Variants in SORL1 observed in about 807,000 individuals in gnomAD.
The protein encoded by SORL1 is sortilin related receptor 1.
A neutral mutation model predicts 273.7 loss-of-function variants in SORL1; 127 were observed. The observed-to-expected ratio is 0.46, with a 90% CI of 0.40 to 0.54. The LOEUF (loss-of-function observed/expected upper bound fraction) is 0.54. SORL1 is among the 20% of genes least tolerant of loss of function. The probability of loss-of-function intolerance (pLI) is 0.00; values close to 1 mark genes in which losing one functional copy is unlikely to be tolerated. For missense variants in SORL1, 2,494 were observed against 2,846.1 expected (o/e 0.88, Z 2.81); for synonymous variants, 1,031 against 1,067.4 (o/e 0.97, Z 0.66).
At chr11:121,508,425 G>A (rs950036932) in intron 6 of SORL1, among the ~76,000 whole-genome samples, 4 of 152,206 alleles carry the variant, frequency 2.6e-5, no homozygotes, top group African/African-American at 9.7e-5. Context: ...ACTGTCTTCA[G>A]AAGTTACAGT....
At chr11:121,532,320 C>T in intron 11 of SORL1, 144 bp from the exon 12 acceptor site, 1 of 674,534 alleles carries the variant, frequency 1.5e-6, no homozygotes, top group Non-Finnish European at 2.6e-6. Context: ...TCAATGTCTT[C>T]TGTAAACGGA....
chr11:121,570,966 A>T (rs549754038), intron 23 of SORL1, among the ~76,000 whole-genome samples: 15 of 152,348 alleles, frequency 9.8e-5, no homozygotes, highest in African/African-American at 3.6e-4. Flanking sequence ...ATTATCTTAT[A>T]AGGAGATGAT....
rs1235746145 is a variant in SORL1, at chr11:121,514,172, C to T, written c.1062C>T (p.Ala354=). 6.2e-7 allele frequency: 1 copy of T among 1,613,430 alleles called. No individual in the cohort carries two copies. The highest frequency in any genetic ancestry group is 1.3e-5 in the African/African-American group (1 of 74,888). ...HPINEYYIAD[A]SEDQVFVCVS... ...CAAAGGAATATTACATCGCAGATGCCTCCGAGGACCAGGTGTTTGTGTGTG... is the reference window on the plus strand; with the variant it reads ...CAAAGGAATATTACATCGCAGATGCTTCCGAGGACCAGGTGTTTGTGTGTG... Residue 354 remains alanine (A), a synonymous_variant, in exon 8 of 48, where the codon GCC becomes GCT. Transcript: ENST00000260197.
intron 23 of SORL1, among the ~76,000 whole-genome samples, chr11:121,572,567 C>T (rs1025636331): frequency 1.3e-5 from 2 of 152,114 alleles, no homozygotes; most frequent in South Asian, 2.1e-4. Flanking sequence ...TGTGTGTCTC[C>T]CTCATCAAGG....
rs765235279 is a variant in SORL1, at chr11:121,607,271, A to G, written c.5147A>G (p.Asn1716Ser). The G allele has an allele frequency of 5.0e-6, 8 of 1,593,432 alleles. No homozygotes were observed. The East Asian group carries it at 1.8e-4, about 36-fold the overall frequency. Residue 1716 changes from asparagine to serine, a missense_variant, in exon 37 of 48, where the codon AAC (asparagine) becomes AGC (serine). Coordinates refer to ENST00000260197, the MANE Select transcript of SORL1 (RefSeq NM_003105.6). ...ACAGAAATCAAGAACTTATTGGTCA[A>G]CACTCTATACACCGTCAGAGTGAGT... ...NFTEIKNLLVNTLYTVRVAAV... is the reference protein window; with the variant it reads ...NFTEIKNLLVSTLYTVRVAAV...
chr11:121,559,395 G>T, intron 20 of SORL1, 124 bp from the exon 21 acceptor site: 1 of 987,924 alleles, frequency 1.0e-6, no homozygotes, highest in Non-Finnish European at 1.5e-6. Flanking sequence ...GTAGAATCTT[G>T]ATCAGGCTAG....
At chr11:121,598,529 G>A (rs1028486039) in intron 32 of SORL1, among the ~76,000 whole-genome samples, 1 of 152,174 alleles carries the variant, frequency 6.6e-6, no homozygotes, top group African/African-American at 2.4e-5. Flanking sequence ...ACTGAAAAGG[G>A]GAGGTCAGAA....
At chr11:121,580,581 T>A (rs140908884) in intron 25 of SORL1, among the ~76,000 whole-genome samples, 2 of 151,554 alleles carry the variant, frequency 1.3e-5, no homozygotes, top group Non-Finnish European at 2.9e-5. Context: ...GTGATGATAG[T>A]CATTTTTTTC....
At chr11:121,540,112 C>CT (rs1351192658) in intron 12 of SORL1, among the ~76,000 whole-genome samples, 7 of 152,108 alleles carry the variant, frequency 4.6e-5, no homozygotes, top group Non-Finnish European at 7.4e-5. Flanking sequence ...GTTATATGAC[C>CT]TTTTTTCCCA....
chr11:121,554,440 T>G lies in SORL1; in HGVS notation c.2439+331T>G, dbSNP rs1862548600. ...TGTGCCAACTGCCTCTTGAGCATCT[T>G]TCTTCCCAAGCCATGATACAGTAAC... On this transcript the variant is annotated intron_variant, in intron 17 of 47. Coordinates refer to ENST00000260197, the MANE Select transcript of SORL1 (RefSeq NM_003105.6). This position sits in a 1 kb window ranked among gnomAD's most constrained non-coding sequence, Gnocchi z 4.6. 6.6e-6 allele frequency among the ~76,000 whole-genome samples: 1 copy of G among 152,176 alleles called. No individual in the cohort carries two copies. Among genetic ancestry groups the G allele is most frequent in the Admixed American group, 6.5e-5 (1 of 15,280 alleles).
intron 26 of SORL1, among the ~76,000 whole-genome samples, chr11:121,585,931 G>T (rs190779007): frequency 1.2e-4 from 19 of 152,280 alleles, no homozygotes; most frequent in African/African-American, 4.6e-4. Flanking sequence ...ACTTGTACTT[G>T]TGGGCGGTTT....
At chr11:121,472,479 C>A (rs991422971) in intron 2 of SORL1, among the ~76,000 whole-genome samples, 1 of 152,182 alleles carries the variant, frequency 6.6e-6, no homozygotes, top group Non-Finnish European at 1.5e-5. Context: ...AAGGCCCAAT[C>A]ATGTACTCAG....
At chr11:121,468,816 G>T (rs1241304588) in intron 1 of SORL1, among the ~76,000 whole-genome samples, 3 of 152,222 alleles carry the variant, frequency 2.0e-5, no homozygotes, top group Non-Finnish European at 4.4e-5. Context: ...TCCTCAGACA[G>T]GTGTCCATCA....
At chr11:121,575,133 A>G (rs982507165) in intron 24 of SORL1, among the ~76,000 whole-genome samples, 1 of 152,238 alleles carries the variant, frequency 6.6e-6, no homozygotes, top group Non-Finnish European at 1.5e-5. Flanking sequence ...TCTACTTTCT[A>G]AAGTGACTGA....
chr11:121,478,913 T>C (rs532106598), intron 3 of SORL1, among the ~76,000 whole-genome samples: 1 of 151,594 alleles, frequency 6.6e-6, no homozygotes, highest in Admixed American at 6.6e-5. Flanking sequence ...TGCAGATACC[T>C]GTGTGCATGC....
intron 24 of SORL1, among the ~76,000 whole-genome samples, chr11:121,576,484 C>T (rs971133559): frequency 2.6e-5 from 4 of 152,226 alleles, no homozygotes; most frequent in African/African-American, 9.6e-5. Flanking sequence ...AATAATATCA[C>T]ATTGGTGATT....
chr11:121,557,339 G>A lies in SORL1; in HGVS notation c.2597G>A (p.Arg866Gln), dbSNP rs780630838. 9.3e-6 allele frequency: 15 copies of A among 1,613,962 alleles called. No individual in the cohort carries two copies. The highest frequency in any genetic ancestry group is 4.4e-5 in the South Asian group (4 of 91,078). ...GTAGCTAATCCAGATGGCGACTTCC[G>A]ACTCACAATCGTCAATTCCTCTGTG... ...IEVANPDGDF[R>Q]LTIVNSSVLD... The change falls in exon 19 of 48, where the codon CGA becomes CAA. Residue 866 changes from arginine to glutamine, a missense_variant. Arg to Gln is a conservative substitution (Grantham distance 43). This residue lies in a region of SORL1 where 1,609 missense variants were observed against 1,816.4 expected (regional missense o/e 0.89). Coordinates refer to ENST00000260197, the MANE Select transcript of SORL1 (RefSeq NM_003105.6).
At position 121,522,697 on chromosome 11, in the gene SORL1, G is replaced by A. The variant is rs1250525752; in HGVS notation, c.1516G>A (p.Ala506Thr). The change falls in exon 10 of 48, where the codon GCC becomes ACC. Residue 506 changes from alanine to threonine, a missense_variant. Ala to Thr is a moderately conservative substitution (Grantham distance 58, BLOSUM62 0). Coordinates refer to ENST00000260197, the MANE Select transcript of SORL1 (RefSeq NM_003105.6). Reference sequence around the variant, plus strand: ...GGAGTCGGCTCCAGGCCTCATCATCGCCACTGGTAAGTGTGCTTGCCTGTT... The same window carrying A: ...GGAGTCGGCTCCAGGCCTCATCATCACCACTGGTAAGTGTGCTTGCCTGTT... ...SKESAPGLII[A>T]TGSVGKNLAS... 2 of 1,611,454 alleles carry A rather than the reference G, an allele frequency of 1.2e-6. No individual in the cohort carries two copies. The highest frequency in any genetic ancestry group is 1.3e-5 in the African/African-American group (1 of 74,938).
At chr11:121,598,133 A>G (rs1464862680) in intron 32 of SORL1, among the ~76,000 whole-genome samples, 3 of 152,078 alleles carry the variant, frequency 2.0e-5, no homozygotes, top group Admixed American at 6.5e-5. Flanking sequence ...GCCCTTGAAG[A>G]TTTCAGAGAT....
Sources: allele counts gnomAD v4.1 joint callset (sites outside exome capture counted in the v4.1 genomes callset), GRCh38; gene constraint gnomAD v4.1.1; regional missense constraint gnomAD v4.1.1; non-coding constraint Gnocchi (gnomAD v3.1); transcripts MANE v1.5; gene names NCBI Gene and HGNC (gene_info 2026-07-23, HGNC 2026-07-21).